The following SHANK2 variants were observed in gnomAD, a reference collection of about 807,000 sequenced individuals.
The protein encoded by SHANK2 is SH3 and multiple ankyrin repeat domains 2.
SHANK2 carries 43 observed loss-of-function variants against 133.7 expected under a neutral mutation model. That is an observed-to-expected ratio of 0.32 (90% CI 0.25 to 0.41). The LOEUF is 0.41. Ranked by LOEUF, SHANK2 falls within the 10% of genes least tolerant of loss-of-function variation. The pLI is 1.00. For missense variants in SHANK2, 1,994 were observed against 2,235.8 expected (o/e 0.89, Z 2.18); for synonymous variants, 1,017 against 952.8 (o/e 1.07, Z -1.24).
chr11:70,931,657 G>A (rs1015493679), intron 10 of SHANK2, among the ~76,000 whole-genome samples: 3 of 152,206 alleles, frequency 2.0e-5, no homozygotes, highest in Non-Finnish European at 4.4e-5. Flanking sequence ...CCTCTGAAAG[G>A]GGCAAGAGAA....
In SHANK2 at chr11:70,542,240, C is replaced by T. The variant is rs1309391459; in HGVS notation, c.2062-39309G>A. 6.6e-5 allele frequency among the ~76,000 whole-genome samples: 10 copies of T among 152,316 alleles called. No homozygotes were observed. The East Asian group carries it at 1.5e-3, about 24-fold the overall frequency. On this transcript the variant is annotated intron_variant, in intron 17 of 25. Coordinates refer to ENST00000601538, the MANE Select transcript of SHANK2 (RefSeq NM_012309.5). ...GTAGATATAATTAAGTTAAGGATTTCGAGATGAGATCATCCTCGGTTACTG... is the reference window on the plus strand; with the variant it reads ...GTAGATATAATTAAGTTAAGGATTTTGAGATGAGATCATCCTCGGTTACTG...
At chr11:70,644,074 G>A (rs1025597024) in intron 17 of SHANK2, among the ~76,000 whole-genome samples, 2 of 152,284 alleles carry the variant, frequency 1.3e-5, no homozygotes, top group East Asian at 1.9e-4. Flanking sequence ...GCTGGGACTT[G>A]CCCCAGATTT....
chr11:71,242,667 C>T (rs963105475), intron 1 of SHANK2, among the ~76,000 whole-genome samples: 1 of 152,156 alleles, frequency 6.6e-6, no homozygotes, highest in Non-Finnish European at 1.5e-5. Context: ...GCGAGGATGT[C>T]GACCCTACAA....
At chr11:71,137,821 T>TC (rs1422345346) in intron 3 of SHANK2, among the ~76,000 whole-genome samples, 1 of 152,172 alleles carries the variant, frequency 6.6e-6, no homozygotes, top group Non-Finnish European at 1.5e-5. Flanking sequence ...GCACATGGAC[T>TC]CCATCAACTC....
At chr11:70,853,749 C>T (rs1442317799) in intron 11 of SHANK2, among the ~76,000 whole-genome samples, 1 of 152,150 alleles carries the variant, frequency 6.6e-6, no homozygotes, top group African/African-American at 2.4e-5. Context: ...ATCTTAGAGG[C>T]CAAGAGTCCA....
At chr11:71,146,251 C>G (rs1187902644) in intron 3 of SHANK2, among the ~76,000 whole-genome samples, 1 of 152,252 alleles carries the variant, frequency 6.6e-6, no homozygotes, top group Non-Finnish European at 1.5e-5. Flanking sequence ...GGGAACGTGG[C>G]TGGGCGACTG....
intron 2 of SHANK2, among the ~76,000 whole-genome samples, chr11:71,217,049 A>T (rs1217703866): frequency 6.6e-6 from 1 of 151,610 alleles, no homozygotes; most frequent in Non-Finnish European, 1.5e-5. Flanking sequence ...ATACAAAATT[A>T]GCCAGGCATG....
intron 2 of SHANK2, among the ~76,000 whole-genome samples, chr11:71,168,859 C>T (rs1953247529): frequency 6.6e-6 from 1 of 152,030 alleles, no homozygotes; most frequent in Non-Finnish European, 1.5e-5. Flanking sequence ...AATCAATATT[C>T]ACAACAGTGG....
chr11:70,711,870 A>T (rs1266620409), intron 14 of SHANK2, among the ~76,000 whole-genome samples: 1 of 152,198 alleles, frequency 6.6e-6, no homozygotes, highest in African/African-American at 2.4e-5. Context: ...GGGAAGAGAA[A>T]ATAAGGACCC....
intron 14 of SHANK2, among the ~76,000 whole-genome samples, chr11:70,764,224 A>T (rs1555040859): frequency 1.4e-5 from 2 of 143,112 alleles, no homozygotes. Context: ...CCACCCATCC[A>T]TCTATCCACT....
chr11:71,118,740 G>A, intron 4 of SHANK2, 89 bp downstream of exon 4: 1 of 1,126,312 alleles, frequency 8.9e-7, no homozygotes, highest in Non-Finnish European at 1.2e-6. Flanking sequence ...AATGGAATTG[G>A]TCTCGCCCCA....
intron 17 of SHANK2, among the ~76,000 whole-genome samples, chr11:70,646,837 A>ATTTAT (rs2061269770): frequency 1.2e-5 from 1 of 80,308 alleles, no homozygotes; most frequent in African/African-American, 4.0e-5. Context: ...TATTTTATTT[A>ATTTAT]TTTATTTATT....
rs377435833 is a variant in SHANK2 at position 70,486,902 on chromosome 11, C to T, written c.3391G>A (p.Asp1131Asn). Residue 1131 changes from aspartate to asparagine, a missense_variant, in exon 25 of 26, where the codon GAT becomes AAT. Transcript: ENST00000601538. The surrounding 1 kb of genome is among the most constrained non-coding windows in gnomAD (Gnocchi z 8.0). Reference protein sequence around the residue: ...TRPSMFPEEGDFADEDSAEQL... With the variant: ...TRPSMFPEEGNFADEDSAEQL... ...TCAGCGCTGTCCTCGTCAGCAAAAT[C>T]CCCCTCCTCGGGGAACATGGAGGGC... The T allele has an allele frequency of 3.2e-5, 52 of 1,612,676 alleles. No homozygotes were observed. The Middle Eastern group carries it at 1.3e-3, about 41-fold the overall frequency.
chr11:70,864,540 C>T (rs1949321410), intron 11 of SHANK2: 1 of 152,206 alleles, frequency 6.6e-6, no homozygotes, highest in African/African-American at 2.4e-5. Context: ...TTGGAGGATT[C>T]TCCAGGTAAA....
chr11:70,796,146 G>C (rs1239276686), intron 14 of SHANK2, among the ~76,000 whole-genome samples: 1 of 152,278 alleles, frequency 6.6e-6, no homozygotes, highest in Admixed American at 6.5e-5. Flanking sequence ...CCTGGGTGGG[G>C]ACCCTGTCAA....
intron 10 of SHANK2, among the ~76,000 whole-genome samples, chr11:70,926,664 C>A (rs147024566): frequency 3.2e-4 from 48 of 152,308 alleles, no homozygotes; most frequent in African/African-American, 9.9e-4. Context: ...GCAAAAAGGA[C>A]ACTTGTTTAG....
chr11:70,914,438 C>T (rs1470980338), intron 10 of SHANK2, among the ~76,000 whole-genome samples: 6 of 151,964 alleles, frequency 3.9e-5, no homozygotes, highest in African/African-American at 1.5e-4. Flanking sequence ...CCCGGGAATA[C>T]AGAGAGAAGC....
Position 70,622,882 on chromosome 11 carries a change from A to T in SHANK2, c.2061+36946T>A, listed in dbSNP as rs1370465112. Reference sequence around the variant, plus strand: ...CCTGTCACCTGGGGAGTAGAGTCTAAATTCTTCTCCACAGCCAGGTGCGGT... The same window carrying T: ...CCTGTCACCTGGGGAGTAGAGTCTATATTCTTCTCCACAGCCAGGTGCGGT... On this transcript the variant is annotated intron_variant, in intron 17 of 25. Coordinates refer to ENST00000601538, the MANE Select transcript of SHANK2 (RefSeq NM_012309.5). Among the ~76,000 whole-genome samples, 4 of 152,202 alleles carry T rather than the reference A, an allele frequency of 2.6e-5. No homozygotes were observed. The East Asian group carries it at 7.7e-4, about 29-fold the overall frequency.
chr11:70,834,777 C>T (rs1184036180), intron 11 of SHANK2, among the ~76,000 whole-genome samples: 3 of 152,192 alleles, frequency 2.0e-5, no homozygotes, highest in Non-Finnish European at 2.9e-5. Context: ...GTTCCCGTCA[C>T]TGGAGTCATT....
Sources: gnomAD v4.1 joint callset for allele counts (sites outside exome capture counted in the v4.1 genomes callset) on GRCh38, gnomAD v4.1.1 for gene constraint, Gnocchi (gnomAD v3.1) non-coding constraint, MANE v1.5 for transcripts, NCBI Gene and HGNC (gene_info 2026-07-23, HGNC 2026-07-21) for gene names.